The following ADAMTS18 variants were observed in gnomAD, a reference collection of about 807,000 sequenced individuals.
The protein encoded by ADAMTS18 is ADAM metallopeptidase with thrombospondin type 1 motif 18, also known as A disintegrin and metalloproteinase with thrombospondin motifs 18.
In ADAMTS18, 157 loss-of-function variants were observed where a neutral mutation model predicts 165.9. That is an observed-to-expected ratio of 0.95 (90% CI 0.83 to 1.08). ADAMTS18 has a LOEUF of 1.08. Ranked by LOEUF, ADAMTS18 falls within the 50% of genes least tolerant of loss-of-function variation. The probability of loss-of-function intolerance (pLI) is 0.00; values close to 1 mark genes in which losing one functional copy is unlikely to be tolerated. For synonymous variants in ADAMTS18, 782 were observed against 578.2 expected, an observed-to-expected ratio of 1.35 and a Z score of -5.06; for missense variants, 2,040 against 1,534.0, an observed-to-expected ratio of 1.33 and a Z score of -5.51.
At chr16:77,409,108 G>A (rs2057429148) in intron 3 of ADAMTS18, among the ~76,000 whole-genome samples, 1 of 152,010 alleles carries the variant, frequency 6.6e-6, no homozygotes, top group African/African-American at 2.4e-5. Flanking sequence ...AGTACCATCT[G>A]CAGTTTCAGG....
Position 77,364,242 on chromosome 16 carries a change from C to T in ADAMTS18, c.918G>A (p.Val306=). The T allele has an allele frequency of 1.2e-6, 2 of 1,613,994 alleles. No individual in the cohort carries two copies. The highest frequency in any genetic ancestry group is 2.2e-5 in the East Asian group (1 of 44,866). ...ETLVVADKKM[V]EKHGKGNVTT... ...TGACATTTCCCTTGCCATGCTTTTC[C>T]ACCATTTTCTTGTCTGCCACCACGA... Residue 306 remains valine, a synonymous_variant, in exon 5 of 23, where the codon GTG becomes GTA. Transcript: ENST00000282849.
chr16:77,303,640 A>G (rs2144599964), intron 16 of ADAMTS18, among the ~76,000 whole-genome samples: 1 of 152,300 alleles, frequency 6.6e-6, no homozygotes, highest in Admixed American at 6.5e-5. Flanking sequence ...AATAAAAAAA[A>G]AAATGACTTT....
intron 3 of ADAMTS18, among the ~76,000 whole-genome samples, chr16:77,386,994 C>A (rs1567532566): frequency 6.6e-6 from 1 of 152,114 alleles, no homozygotes. Context: ...TCTGTAGCAT[C>A]CAAAATGTCA....
At chr16:77,291,096 T>C (rs1251150738) in intron 21 of ADAMTS18, among the ~76,000 whole-genome samples, 170 bp downstream of exon 21, 1 of 150,856 alleles carries the variant, frequency 6.6e-6, no homozygotes, top group Admixed American at 6.7e-5. Flanking sequence ...GGTTTACAGA[T>C]TGTTACCTGC....
chr16:77,400,473 TGTGTGTG>T (rs769726709), intron 3 of ADAMTS18, among the ~76,000 whole-genome samples: 8,439 of 136,372 alleles, frequency 0.062, 339 homozygotes, highest in Non-Finnish European at 0.096. Flanking sequence ...TGTGTGTGTG[TGTGTGTG>T]TTTTGTTTTT....
chr16:77,375,890 C>CTTTTTTTTTTTTTTTTTTTT (rs200629744), intron 3 of ADAMTS18, among the ~76,000 whole-genome samples: 1 of 93,902 alleles, frequency 1.1e-5, no homozygotes, highest in Non-Finnish European at 2.1e-5. Context: ...TCTTTCTTTC[C>CTTTTTTTTTTTTTTTTTTTT]TTTTTTTTTT....
At chr16:77,345,875 C>G (rs1297477904) in intron 10 of ADAMTS18, among the ~76,000 whole-genome samples, 3 of 152,146 alleles carry the variant, frequency 2.0e-5, no homozygotes, top group African/African-American at 7.2e-5. Context: ...CCTGTTATGT[C>G]TTGTCAATTC....
chr16:77,394,648 A>G (rs1349783468), intron 3 of ADAMTS18, among the ~76,000 whole-genome samples: 1 of 152,224 alleles, frequency 6.6e-6, no homozygotes, highest in East Asian at 1.9e-4. Flanking sequence ...TACTTTTTGA[A>G]TAAGAATAAA....
Position 77,373,176 on chromosome 16 carries a change from C to A in ADAMTS18, c.496-5453G>T, listed in dbSNP as rs928800418. Among the ~76,000 whole-genome samples the A allele has an allele frequency of 1.3e-5, 2 of 152,092 alleles. 1 individual carries two copies. Among genetic ancestry groups the A allele is most frequent in the Non-Finnish European group, 2.9e-5 (2 of 68,022 alleles). On this transcript the variant is annotated intron_variant, in intron 3 of 22. Coordinates refer to ENST00000282849, the MANE Select transcript of ADAMTS18 (RefSeq NM_199355.4). ...TTAAACACCATCTTCTCAGAGAAGC[C>A]GTACTCACGACCCTATTGAAAATTA...
chr16:77,431,177 G>C, intron 3 of ADAMTS18, 118 bp downstream of exon 3: 1 of 1,072,744 alleles, frequency 9.3e-7, no homozygotes, highest in Non-Finnish European at 1.4e-6. Context: ...GAAGTATCAA[G>C]GCTGACAGTG....
intron 3 of ADAMTS18, among the ~76,000 whole-genome samples, chr16:77,429,520 C>CA (rs1334396330): frequency 6.6e-6 from 1 of 152,090 alleles, no homozygotes; most frequent in Non-Finnish European, 1.5e-5. Flanking sequence ...ATAATCTGTA[C>CA]AACAAACCCT....
At chr16:77,342,442 T>G (rs1290050999) in intron 10 of ADAMTS18, among the ~76,000 whole-genome samples, 1 of 139,546 alleles carries the variant, frequency 7.2e-6, no homozygotes, top group Admixed American at 7.6e-5. Flanking sequence ...TTTCTATGAG[T>G]GCTGTTTATA....
intron 20 of ADAMTS18, among the ~76,000 whole-genome samples, chr16:77,292,418 ACTCCTGTGTAGAGGCTGCACC>A (rs1354292288): frequency 6.6e-6 from 1 of 151,652 alleles, no homozygotes; most frequent in Non-Finnish European, 1.5e-5. Flanking sequence ...CCCTGTCATC[ACTCCTGTGTAGAGGCTGCACC>A]CTCTGTCTGG....
intron 5 of ADAMTS18, 49 bp from the exon 6 acceptor site, chr16:77,363,934 T>C (rs1410573283): frequency 1.3e-6 from 2 of 1,557,788 alleles, no homozygotes; most frequent in African/African-American, 2.7e-5. Flanking sequence ...TTCAAAACCT[T>C]AGGGGGAATC....
chr16:77,312,227 A>C (rs1000908707), intron 16 of ADAMTS18, among the ~76,000 whole-genome samples: 1 of 151,740 alleles, frequency 6.6e-6, no homozygotes, highest in African/African-American at 2.4e-5. Flanking sequence ...CTCAAAAAAA[A>C]CTTTTCTTTT....
At chr16:77,343,311 T>A (rs2056427697) in intron 10 of ADAMTS18, among the ~76,000 whole-genome samples, 1 of 152,216 alleles carries the variant, frequency 6.6e-6, no homozygotes, top group South Asian at 2.1e-4. Flanking sequence ...CAACCTCAGG[T>A]GATCTGCCCG....
intron 3 of ADAMTS18, among the ~76,000 whole-genome samples, chr16:77,427,595 T>A (rs2057689671): frequency 6.6e-6 from 1 of 152,200 alleles, no homozygotes; most frequent in Non-Finnish European, 1.5e-5. Context: ...TAAGGCCACC[T>A]GGTATAAAAA....
chr16:77,433,059 T>C (rs77411993), intron 2 of ADAMTS18, among the ~76,000 whole-genome samples: 9,579 of 152,274 alleles, frequency 0.063, 387 homozygotes, highest in Non-Finnish European at 0.09. Flanking sequence ...CTCTTAACCT[T>C]GAAAATCTGA....
chr16:77,333,614 G>C (rs2056227038), intron 12 of ADAMTS18, among the ~76,000 whole-genome samples: 1 of 151,370 alleles, frequency 6.6e-6, no homozygotes, highest in Non-Finnish European at 1.5e-5. Flanking sequence ...CCAAAGAAGG[G>C]AAATCAGTGT....
Sources: allele counts gnomAD v4.1 joint callset (sites outside exome capture counted in the v4.1 genomes callset), GRCh38; gene constraint gnomAD v4.1.1; transcripts MANE v1.5; gene names NCBI Gene and HGNC (gene_info 2026-07-23, HGNC 2026-07-21).